The following ABCA13 variants were observed in gnomAD, a reference collection of about 807,000 sequenced individuals.
ABCA13 encodes the protein ATP binding cassette subfamily A member 13.
ABCA13 carries 476 observed loss-of-function variants against 478.7 expected under a neutral mutation model. That is an observed-to-expected ratio of 0.99 (90% CI 0.92 to 1.07). The LOEUF is 1.07. Ranked by LOEUF, ABCA13 falls within the 50% of genes least tolerant of loss-of-function variation. ABCA13 has a pLI of 0.00. For missense variants in ABCA13, 6,060 were observed against 5,910.6 expected, an observed-to-expected ratio of 1.03 and a Z score of -0.83; for synonymous variants, 2,252 against 2,158.9, an observed-to-expected ratio of 1.04 and a Z score of -1.20.
intron 53 of ABCA13, among the ~76,000 whole-genome samples, chr7:48,523,343 G>A (rs1248630446): frequency 6.6e-6 from 1 of 152,114 alleles, no homozygotes; most frequent in East Asian, 1.9e-4. Flanking sequence ...CTGGGAGCTT[G>A]CCATGGATAT....
intron 1 of ABCA13, among the ~76,000 whole-genome samples, chr7:48,186,087 T>A (rs758018456): frequency 2.4e-4 from 36 of 152,028 alleles, no homozygotes; most frequent in Admixed American, 2.4e-3. Context: ...AACCATTCTA[T>A]GTCCTTATAT....
chr7:48,446,255 A>G (rs994162739), intron 42 of ABCA13, among the ~76,000 whole-genome samples: 1 of 152,174 alleles, frequency 6.6e-6, no homozygotes, highest in Admixed American at 6.5e-5. Context: ...GTCTGTGGCC[A>G]CTACTATGAG....
At chr7:48,559,825 A>C (rs901231657) in intron 55 of ABCA13, among the ~76,000 whole-genome samples, 6 of 152,150 alleles carry the variant, frequency 3.9e-5, no homozygotes, top group Non-Finnish European at 8.8e-5. Context: ...TAGAAATGTC[A>C]TCCCGGAGCA....
At chr7:48,528,388 T>G (rs999371187) in intron 55 of ABCA13, 43 bp downstream of exon 55, 2 of 1,361,924 alleles carry the variant, frequency 1.5e-6, no homozygotes, top group Non-Finnish European at 2.0e-6. Flanking sequence ...AAAGAGATAA[T>G]AAGCCCAGAG....
intron 9 of ABCA13, 29 bp from the exon 10 acceptor site, chr7:48,240,838 T>C: frequency 6.8e-7 from 1 of 1,472,088 alleles, no homozygotes; most frequent in Non-Finnish European, 9.0e-7. Context: ...CTATTATTAA[T>C]GCTAGTATTT....
At chr7:48,541,456 C>T (rs1450844054) in intron 55 of ABCA13, among the ~76,000 whole-genome samples, 1 of 152,018 alleles carries the variant, frequency 6.6e-6, no homozygotes, top group Non-Finnish European at 1.5e-5. Context: ...AAGTTAGGGG[C>T]TTTACATTCT....
intron 55 of ABCA13, among the ~76,000 whole-genome samples, chr7:48,573,514 A>G (rs1426162315): frequency 6.6e-6 from 1 of 151,998 alleles, no homozygotes; most frequent in Non-Finnish European, 1.5e-5. Context: ...TGGGCAACAT[A>G]GCGAGACTCC....
intron 29 of ABCA13, among the ~76,000 whole-genome samples, chr7:48,340,262 A>G (rs572418612): frequency 6.6e-6 from 1 of 152,210 alleles, no homozygotes; most frequent in East Asian, 1.9e-4. Context: ...GCGCACCGCC[A>G]TGCCCGGCTA....
intron 2 of ABCA13, among the ~76,000 whole-genome samples, chr7:48,194,935 C>T (rs1412829085): frequency 6.6e-6 from 1 of 152,110 alleles, no homozygotes; most frequent in Admixed American, 6.5e-5. Context: ...AGGCATTTTC[C>T]CTGCCTTTGC....
intron 54 of ABCA13, among the ~76,000 whole-genome samples, chr7:48,525,755 C>T (rs1302129926): frequency 8.5e-6 from 1 of 117,154 alleles, no homozygotes; most frequent in Non-Finnish European, 1.7e-5. Flanking sequence ...ATTTTAAGTT[C>T]TGGGATACAT....
chr7:48,206,445 C>T (rs2064768852), intron 3 of ABCA13, among the ~76,000 whole-genome samples: 1 of 152,158 alleles, frequency 6.6e-6, no homozygotes, highest in South Asian at 2.1e-4. Context: ...TTTGTGTAAG[C>T]ATGTTCTGTG....
At chr7:48,433,305 A>G (rs1271681979) in intron 42 of ABCA13, among the ~76,000 whole-genome samples, 1 of 151,752 alleles carries the variant, frequency 6.6e-6, no homozygotes, top group Non-Finnish European at 1.5e-5. Flanking sequence ...AATTTTAGCA[A>G]CTGAAAATAA....
At chr7:48,443,733 T>C (rs556044012) in intron 42 of ABCA13, among the ~76,000 whole-genome samples, 5 of 152,230 alleles carry the variant, frequency 3.3e-5, no homozygotes, top group African/African-American at 4.8e-5. Context: ...CAAGTCAATT[T>C]CAAATGTCCC....
intron 10 of ABCA13, chr7:48,243,069 C>T (rs917433144): frequency 6.6e-6 from 1 of 152,378 alleles, no homozygotes; most frequent in Non-Finnish European, 1.5e-5. Context: ...TAGCAGATAG[C>T]GTGGATTTTG....
At chr7:48,369,300 G>C (rs1276625324) in intron 32 of ABCA13, among the ~76,000 whole-genome samples, 1 of 152,044 alleles carries the variant, frequency 6.6e-6, no homozygotes, top group East Asian at 1.9e-4. Context: ...TCATTTGCTG[G>C]ATATATAGAT....
intron 55 of ABCA13, among the ~76,000 whole-genome samples, chr7:48,558,782 G>C (rs1786136432): frequency 6.6e-6 from 1 of 152,080 alleles, no homozygotes; most frequent in African/African-American, 2.4e-5. Flanking sequence ...GTTTCTCCAG[G>C]ATTGATCCTG....
chr7:48,315,119 C>T (rs988863627), intron 26 of ABCA13, among the ~76,000 whole-genome samples: 8 of 152,126 alleles, frequency 5.3e-5, no homozygotes, highest in Admixed American at 6.5e-5. Context: ...TCATTTATAA[C>T]GTAGAAACAG....
intron 15 of ABCA13, among the ~76,000 whole-genome samples, chr7:48,254,513 T>G (rs568511377): frequency 6.6e-6 from 1 of 152,302 alleles, no homozygotes; most frequent in Non-Finnish European, 1.5e-5. Flanking sequence ...TAAGAGATTC[T>G]CCTGCCTTGG....
intron 53 of ABCA13, among the ~76,000 whole-genome samples, chr7:48,520,565 T>A (rs1408610702): frequency 6.6e-6 from 1 of 151,518 alleles, no homozygotes; most frequent in African/African-American, 2.5e-5. Context: ...AAATTTTTTT[T>A]ATTGTACTTT....
Sources: gnomAD v4.1 joint callset for allele counts (sites outside exome capture counted in the v4.1 genomes callset) on GRCh38, gnomAD v4.1.1 for gene constraint, MANE v1.5 for transcripts, NCBI Gene and HGNC (gene_info 2026-07-23, HGNC 2026-07-21) for gene names.